PDCD6: variants seen among roughly 807,000 people sequenced by gnomAD.
The protein encoded by PDCD6 is programmed cell death protein 6.
PDCD6 carries 12 observed loss-of-function variants against 28.3 expected under a neutral mutation model. The observed-to-expected ratio is 0.42, with a 90% CI of 0.27 to 0.69. The LOEUF (loss-of-function observed/expected upper bound fraction) is 0.69. Among genes scored for constraint, PDCD6 ranks in the 30% least tolerant of loss-of-function variants. PDCD6 has a pLI of 0.22. For synonymous variants in PDCD6, 92 were observed against 108.0 expected (o/e 0.85, Z 0.92); for missense variants, 226 against 269.9 (o/e 0.84, Z 1.14).
At chr5:300,964 A>G (rs944095580) in intron 2 of PDCD6, among the ~76,000 whole-genome samples, 5 of 152,116 alleles carry the variant, frequency 3.3e-5, no homozygotes, top group Non-Finnish European at 7.4e-5. Context: ...GCCCGTCCAG[A>G]TGGCACCTGA....
At chr5:309,557 A>G (rs1168304809) in intron 4 of PDCD6, 13 of 241,204 alleles carry the variant, frequency 5.4e-5, no homozygotes, top group Non-Finnish European at 7.4e-5. Context: ...GGAGACCAGT[A>G]ATGACCTCTG....
intron 2 of PDCD6, among the ~76,000 whole-genome samples, chr5:297,329 T>G (rs562342566): frequency 1.3e-5 from 2 of 152,368 alleles, no homozygotes; most frequent in African/African-American, 4.8e-5. Flanking sequence ...AACTTATGCT[T>G]CTTCCGTTAC....
intron 2 of PDCD6, among the ~76,000 whole-genome samples, chr5:292,103 G>C (rs761089934): frequency 2.0e-5 from 3 of 152,138 alleles, no homozygotes; most frequent in Admixed American, 1.3e-4. Context: ...TGCCCATCTG[G>C]TGGGTGTCAC....
At chr5:287,924 A>G (rs1739078071) in intron 2 of PDCD6, among the ~76,000 whole-genome samples, 1 of 152,264 alleles carries the variant, frequency 6.6e-6, no homozygotes, top group African/African-American at 2.4e-5. Flanking sequence ...TGGTTCTGAG[A>G]TGGCCTCATA....
Position 307,310 on chromosome 5 carries a change from C to G in PDCD6, c.367+550C>G, listed in dbSNP as rs1452428291. Among the ~76,000 whole-genome samples, 3 of 84,416 alleles carry G rather than the reference C, an allele frequency of 3.6e-5. No homozygotes were observed. The highest frequency in any genetic ancestry group is 1.1e-4 in the Admixed American group (1 of 9,004). 55.4% of individuals were successfully genotyped at this position (84,416 alleles called of 152,430 possible). Reference sequence around the variant, plus strand: ...GCCTCAGAAGGGGCGTTAGGCAGAACGCGTGCCCATTCTCAGGTGTGCTCG... The same window carrying G: ...GCCTCAGAAGGGGCGTTAGGCAGAAGGCGTGCCCATTCTCAGGTGTGCTCG... On this transcript the variant is annotated intron_variant, in intron 4 of 5. Transcript: ENST00000264933. The surrounding 1 kb of genome is among the most constrained non-coding windows in gnomAD (Gnocchi z 6.1).
intron 2 of PDCD6, among the ~76,000 whole-genome samples, chr5:279,136 T>C (rs1738403236): frequency 2.0e-5 from 3 of 152,114 alleles, no homozygotes; most frequent in African/African-American, 7.2e-5. Context: ...AATTCCAGTG[T>C]GGGGACACAG....
chr5:291,572 C>A (rs1357216126), intron 2 of PDCD6, among the ~76,000 whole-genome samples: 1 of 149,916 alleles, frequency 6.7e-6, no homozygotes, highest in Non-Finnish European at 1.5e-5. Context: ...TCTCCATTCT[C>A]TCCCTGAGAC....
chr5:288,510 A>G (rs983003999), intron 2 of PDCD6, among the ~76,000 whole-genome samples: 1 of 151,554 alleles, frequency 6.6e-6, no homozygotes, highest in Non-Finnish European at 1.5e-5. Flanking sequence ...ATCTCAAAAA[A>G]CTTTTCAAAA....
intron 2 of PDCD6, among the ~76,000 whole-genome samples, chr5:286,432 T>C (rs1738970162): frequency 6.6e-6 from 1 of 151,850 alleles, no homozygotes; most frequent in South Asian, 2.1e-4. Context: ...GAGGAGCTAA[T>C]GTTCCTGTTT....
At position 306,614 on chromosome 5, in the gene PDCD6, G is replaced by T. The variant is rs776970258; in HGVS notation, c.221G>T (p.Arg74Leu). The T allele has an allele frequency of 5.6e-6, 9 of 1,613,532 alleles. No individual in the cohort carries two copies. The highest frequency in any genetic ancestry group is 6.8e-6 in the Non-Finnish European group (8 of 1,179,808). ...CTCTCTGTCTCAGCCATGTTTGACC[G>T]TGAGAACAAGGCCGGCGTGAACTTC... ...TVRSIISMFD[R>L]ENKAGVNFSE... The change falls in exon 4 of 6, where the codon CGT becomes CTT. Residue 74 changes from arginine (R) to leucine (L), a missense_variant. By Grantham distance (102) the Arg-to-Leu change is moderately radical. Transcript: ENST00000264933.
intron 2 of PDCD6, among the ~76,000 whole-genome samples, chr5:297,557 C>A (rs1739696763): frequency 6.6e-6 from 1 of 152,184 alleles, no homozygotes; most frequent in Non-Finnish European, 1.5e-5. Flanking sequence ...GAGACTTGAC[C>A]TGAGCAAACA....
In PDCD6 at chr5:273,203, T is replaced by A. The variant is rs1737948583; in HGVS notation, c.163+431T>A. ...GCTTGGGGAGCTCAGGCAGCCCTTG[T>A]ATGGGAATGTGGCTGTTACAGGAAC... is the stretch of plus-strand genomic sequence containing the variant. On this transcript the variant is annotated intron_variant, in intron 2 of 5. Transcript: ENST00000264933. 1.7e-5 allele frequency: 3 copies of A among 181,792 alleles called. No individual in the cohort carries two copies. In the South Asian group the frequency reaches 3.1e-4, roughly 19 times the overall value. 11.3% of individuals were successfully genotyped at this position (181,792 alleles called of 1,614,324 possible). A position where few individuals can be genotyped will look rare whatever the true frequency, so the allele number is the denominator to read the frequency against.
At position 278,248 on chromosome 5, in the gene PDCD6, T is replaced by C. The variant is rs559356713; in HGVS notation, c.163+5476T>C. 8.5e-5 allele frequency among the ~76,000 whole-genome samples: 13 copies of C among 152,334 alleles called. No individual in the cohort carries two copies. In the East Asian group the frequency reaches 2.1e-3, roughly 25 times the overall value. ...TTCATTTATTTATCTATTAAAAATA[T>C]TTATTTAGAACACACCATTCATGTG... On this transcript the variant is annotated intron_variant, in intron 2 of 5. Coordinates refer to ENST00000264933, the MANE Select transcript of PDCD6 (RefSeq NM_013232.4).
chr5:276,894 G>C (rs1738233629), intron 2 of PDCD6: 2 of 984,766 alleles, frequency 2.0e-6, no homozygotes, highest in Non-Finnish European at 1.2e-6. Context: ...GTATGAAGAA[G>C]AAGACTGTTC....
In PDCD6 at chr5:307,653, T is replaced by C. The variant is rs1216507850; in HGVS notation, c.367+893T>C. 1.3e-5 allele frequency among the ~76,000 whole-genome samples: 2 copies of C among 152,162 alleles called. No homozygotes were observed. The highest frequency in any genetic ancestry group is 2.9e-5 in the Non-Finnish European group (2 of 68,018). ...GTGGCTGCACCGAGATTCTAATCCA[T>C]GCGGATCTCATCTGGCCCCTGTTGT... On this transcript the variant is annotated intron_variant, in intron 4 of 5. Coordinates refer to ENST00000264933, the MANE Select transcript of PDCD6 (RefSeq NM_013232.4). The surrounding 1 kb of genome is among the most constrained non-coding windows in gnomAD (Gnocchi z 6.1).
chr5:295,125 C>T (rs1022463311), intron 2 of PDCD6, among the ~76,000 whole-genome samples: 4 of 152,050 alleles, frequency 2.6e-5, no homozygotes, highest in East Asian at 1.9e-4. Flanking sequence ...CTTCAGTACA[C>T]GCAGACTGAA....
intron 2 of PDCD6, among the ~76,000 whole-genome samples, chr5:284,349 G>A (rs1486964375): frequency 2.6e-5 from 4 of 152,200 alleles, no homozygotes; most frequent in African/African-American, 7.2e-5. Flanking sequence ...CTGAAGACTC[G>A]GGGAGGAGCT....
chr5:280,382 G>A (rs1220284820), intron 2 of PDCD6, among the ~76,000 whole-genome samples: 1 of 150,476 alleles, frequency 6.6e-6, no homozygotes, highest in Non-Finnish European at 1.5e-5. Context: ...GGATGGTGCT[G>A]GCATTTAAGA....
intron 2 of PDCD6, among the ~76,000 whole-genome samples, chr5:286,541 G>T (rs976745397): frequency 1.3e-5 from 2 of 151,458 alleles, no homozygotes; most frequent in Non-Finnish European, 2.9e-5. Context: ...CCATTTGAGA[G>T]CTGTGCAGCT....
Sources: gnomAD v4.1 joint callset for allele counts (sites outside exome capture counted in the v4.1 genomes callset) on GRCh38, gnomAD v4.1.1 for gene constraint, Gnocchi (gnomAD v3.1) non-coding constraint, MANE v1.5 for transcripts, NCBI Gene and HGNC (gene_info 2026-07-23, HGNC 2026-07-21) for gene names.